ANO3: variants seen among roughly 807,000 people sequenced by gnomAD.
The protein encoded by ANO3 is anoctamin 3.
Under a neutral mutation model 144.8 loss-of-function variants are expected in ANO3, and 99 were observed. That is an observed-to-expected ratio of 0.68 (90% CI 0.58 to 0.81). The LOEUF is 0.81. Ranked by LOEUF, ANO3 falls within the 30% of genes least tolerant of loss-of-function variation. The pLI is 0.00. For missense variants in ANO3, 905 were observed against 1,202.2 expected (o/e 0.75, Z 3.66); for synonymous variants, 414 against 392.6 (o/e 1.05, Z -0.64).
Position 26,639,129 on chromosome 11 carries a change from T to TA in ANO3, c.2044-14dup. The TA allele has an allele frequency of 5.1e-6, 8 of 1,560,156 alleles. No homozygotes were observed. The highest frequency in any genetic ancestry group is 7.1e-6 in the Non-Finnish European group (8 of 1,130,988). On this transcript the variant is annotated splice_polypyrimidine_tract_variant and intron_variant, in intron 20 of 26. Transcript: ENST00000256737. ...AGAAGACCAATATCATTATTGCTCTTATGTTCTATTTCAGTGTCATCCTAG... is the reference window on the plus strand; with the variant it reads ...AGAAGACCAATATCATTATTGCTCTTAATGTTCTATTTCAGTGTCATCCTAG...
chr11:26,298,418 G>T (rs1372734238), intron 1 of ANO3, among the ~76,000 whole-genome samples: 1 of 152,042 alleles, frequency 6.6e-6, no homozygotes, highest in Non-Finnish European at 1.5e-5. Flanking sequence ...CACAACAGAA[G>T]TCCCTACACA....
Position 26,516,888 on chromosome 11 carries a change from G to T in ANO3, c.653G>T (p.Cys218Phe). Residue 218 changes from cysteine (C) to phenylalanine (F), a missense_variant, in exon 6 of 27, where the codon TGC becomes TTC. Cys to Phe is a radical substitution (Grantham distance 205, BLOSUM62 -2). This residue lies in a region of ANO3 where 63 missense variants were observed against 107.3 expected (regional missense o/e 0.59). Transcript: ENST00000256737. ...IKIHIPWDTLCKYAERLNIRM... is the reference protein window; with the variant it reads ...IKIHIPWDTLFKYAERLNIRM... ...ATTCACATTCCATGGGACACGCTGT[G>T]CAAGTATGCAGAGAGGCTGAATATC... The T allele has an allele frequency of 6.2e-7, 1 of 1,611,500 alleles. No individual in the cohort carries two copies. The highest frequency in any genetic ancestry group is 8.5e-7 in the Non-Finnish European group (1 of 1,178,218).
At chr11:26,234,234 C>T (rs1490213208) in intron 1 of ANO3, among the ~76,000 whole-genome samples, 4 of 152,114 alleles carry the variant, frequency 2.6e-5, no homozygotes, top group Non-Finnish European at 4.4e-5. Context: ...TTACCTCCTA[C>T]TTTAGGATAT....
intron 1 of ANO3, among the ~76,000 whole-genome samples, chr11:26,282,310 GTT>G (rs780885084): frequency 9.9e-5 from 14 of 141,684 alleles, no homozygotes; most frequent in African/African-American, 3.5e-4. Flanking sequence ...CATTTTTTTT[GTT>G]TTTTTTTTTG....
intron 1 of ANO3, among the ~76,000 whole-genome samples, chr11:26,300,826 T>G (rs2133862452): frequency 6.6e-6 from 1 of 151,910 alleles, no homozygotes; most frequent in Admixed American, 6.6e-5. Flanking sequence ...TGGGTACTTC[T>G]TTACTTTATT....
chr11:26,594,693 A>G (rs1475196113), intron 14 of ANO3, among the ~76,000 whole-genome samples: 4 of 151,806 alleles, frequency 2.6e-5, no homozygotes, highest in Non-Finnish European at 4.4e-5. Flanking sequence ...TTAGTTGGGG[A>G]AGGAGCTGGG....
intron 1 of ANO3, among the ~76,000 whole-genome samples, chr11:26,407,397 A>G (rs1857317401): frequency 1.3e-5 from 2 of 151,604 alleles, no homozygotes; most frequent in South Asian, 2.1e-4. Flanking sequence ...CTGCTTCTAT[A>G]TCATTGGAAC....
intron 6 of ANO3, among the ~76,000 whole-genome samples, chr11:26,517,192 A>C (rs1861896177): frequency 6.6e-6 from 1 of 151,964 alleles, no homozygotes; most frequent in Non-Finnish European, 1.5e-5. Flanking sequence ...AACTTACAAC[A>C]ATTCCCAAGA....
chr11:26,313,308 A>G (rs1390216909), intron 1 of ANO3, among the ~76,000 whole-genome samples: 1 of 152,250 alleles, frequency 6.6e-6, no homozygotes. Flanking sequence ...TCTGAAAAGA[A>G]CATTGGATTC....
chr11:26,374,646 G>C (rs936213397), intron 1 of ANO3, among the ~76,000 whole-genome samples: 2 of 152,184 alleles, frequency 1.3e-5, no homozygotes, highest in African/African-American at 4.8e-5. Context: ...AGAGTATAAG[G>C]CAGCTATCTC....
chr11:26,249,698 A>G (rs1852882729), intron 1 of ANO3, among the ~76,000 whole-genome samples: 2 of 152,244 alleles, frequency 1.3e-5, no homozygotes, highest in Middle Eastern at 3.4e-3. Flanking sequence ...TTAACATTAA[A>G]TAATCTTAAC....
At chr11:26,295,499 G>T (rs1162625138) in intron 1 of ANO3, among the ~76,000 whole-genome samples, 5 of 122,688 alleles carry the variant, frequency 4.1e-5, no homozygotes, top group African/African-American at 1.5e-4. Context: ...CTGGGCGATA[G>T]AGTGAGACTC....
intron 11 of ANO3, among the ~76,000 whole-genome samples, chr11:26,543,594 G>A (rs1241104379): frequency 6.6e-6 from 1 of 152,020 alleles, no homozygotes; most frequent in Non-Finnish European, 1.5e-5. Flanking sequence ...ATCTCCTGAT[G>A]CTATCCCTCC....
intron 6 of ANO3, among the ~76,000 whole-genome samples, chr11:26,517,313 T>C (rs933944121): frequency 5.3e-5 from 8 of 152,160 alleles, no homozygotes; most frequent in African/African-American, 1.9e-4. Flanking sequence ...TTCTTCTCTG[T>C]ATAGTCATTA....
chr11:26,292,065 T>C (rs1313199507), intron 1 of ANO3, among the ~76,000 whole-genome samples: 1 of 152,188 alleles, frequency 6.6e-6, no homozygotes, highest in Non-Finnish European at 1.5e-5. Context: ...ATGGATTTGG[T>C]CTTTTCACAT....
At chr11:26,471,014 C>A (rs182237932) in intron 4 of ANO3, among the ~76,000 whole-genome samples, 325 of 152,022 alleles carry the variant, frequency 2.1e-3, no homozygotes, top group African/African-American at 7.4e-3. Context: ...TCCTAATATG[C>A]ACTGATCACT....
chr11:26,224,858 A>G (rs1852225832), intron 1 of ANO3, among the ~76,000 whole-genome samples: 1 of 152,120 alleles, frequency 6.6e-6, no homozygotes, highest in Non-Finnish European at 1.5e-5. Context: ...CAAAGTGCAA[A>G]CAAGAGGAGG....
At chr11:26,649,978 C>T (rs1203807105) in intron 24 of ANO3, among the ~76,000 whole-genome samples, 1 of 152,150 alleles carries the variant, frequency 6.6e-6, no homozygotes, top group African/African-American at 2.4e-5. Flanking sequence ...CACCTAGTGG[C>T]AGGTGAAAAT....
At chr11:26,639,366 G>A in intron 21 of ANO3, 125 bp downstream of exon 21, 1 of 669,722 alleles carries the variant, frequency 1.5e-6, no homozygotes, top group Non-Finnish European at 2.6e-6. Context: ...TTCCTGTTCT[G>A]CTCCTTACTA....
Sources: allele counts gnomAD v4.1 joint callset (sites outside exome capture counted in the v4.1 genomes callset), GRCh38; gene constraint gnomAD v4.1.1; regional missense constraint gnomAD v4.1.1; transcripts MANE v1.5; gene names NCBI Gene and HGNC (gene_info 2026-07-23, HGNC 2026-07-21).